Variants in RFX3 observed in about 807,000 individuals in gnomAD.
The protein encoded by RFX3 is transcription factor RFX3.
A neutral mutation model predicts 98.6 loss-of-function variants in RFX3; 14 were observed. The observed-to-expected ratio is 0.14, with a 90% CI of 0.09 to 0.22. The LOEUF is 0.22. Ranked by LOEUF, RFX3 falls within the 10% of genes least tolerant of loss-of-function variation. The probability of loss-of-function intolerance (pLI) is 1.00; values close to 1 mark genes in which losing one functional copy is unlikely to be tolerated. For missense variants in RFX3, 639 were observed against 926.9 expected (o/e 0.69, Z 4.03); for synonymous variants, 383 against 328.4 (o/e 1.17, Z -1.80).
Position 3,341,319 on chromosome 9 carries a change from G to A in RFX3, c.215+5348C>T, listed in dbSNP as rs1171528186. 5.3e-5 allele frequency among the ~76,000 whole-genome samples: 8 copies of A among 151,938 alleles called. No homozygotes were observed. The East Asian group carries it at 1.5e-3, about 29-fold the overall frequency. On this transcript the variant is annotated intron_variant, in intron 3 of 16. Transcript: ENST00000617270. The stretch of plus-strand genomic sequence containing the variant: ...ACCTAATGCTAAATGACGAGTTAAT[G>A]GGTGCAGCACACCAGCATGGCACAT...
At chr9:3,384,574 A>AC (rs1410360769) in intron 2 of RFX3, among the ~76,000 whole-genome samples, 1 of 152,206 alleles carries the variant, frequency 6.6e-6, no homozygotes, top group African/African-American at 2.4e-5. Flanking sequence ...AAGCATAGGG[A>AC]CACATAATAA....
chr9:3,453,710 C>CA (rs36111393), intron 1 of RFX3: 3,051 of 87,494 alleles, frequency 0.035, 116 homozygotes, highest in African/African-American at 0.099. Context: ...ACTCTTTTTT[C>CA]AAAAAAAAAA....
intron 13 of RFX3, among the ~76,000 whole-genome samples, chr9:3,261,385 G>T (rs1260139275): frequency 1.3e-5 from 2 of 152,020 alleles, no homozygotes; most frequent in Non-Finnish European, 2.9e-5. Context: ...CATACGAATG[G>T]AATCATGTCA....
chr9:3,249,308 C>CAGAT (rs1821083497), intron 14 of RFX3, among the ~76,000 whole-genome samples: 1 of 152,146 alleles, frequency 6.6e-6, no homozygotes, highest in South Asian at 2.1e-4. Context: ...TGGCAAGTGA[C>CAGAT]AGATCATCAT....
chr9:3,349,493 T>C (rs1251134477), intron 2 of RFX3, among the ~76,000 whole-genome samples: 3 of 152,110 alleles, frequency 2.0e-5, no homozygotes, highest in African/African-American at 7.2e-5. Flanking sequence ...AATATCTATG[T>C]GGTTCCAAAG....
chr9:3,436,511 A>G (rs1845138183), intron 1 of RFX3, among the ~76,000 whole-genome samples: 1 of 152,110 alleles, frequency 6.6e-6, no homozygotes, highest in African/African-American at 2.4e-5. Context: ...TATTTATGTC[A>G]AAACTAATAT....
intron 2 of RFX3, among the ~76,000 whole-genome samples, chr9:3,357,824 A>G (rs1445923030): frequency 2.6e-5 from 4 of 152,118 alleles, no homozygotes; most frequent in African/African-American, 9.6e-5. Flanking sequence ...TACATATTGC[A>G]TATGTGTATC....
intron 3 of RFX3, among the ~76,000 whole-genome samples, chr9:3,340,808 A>G (rs1833798130): frequency 6.6e-6 from 1 of 152,236 alleles, no homozygotes; most frequent in East Asian, 1.9e-4. Context: ...TGTTGGTGAG[A>G]CTGTAAACTA....
At chr9:3,379,647 T>C (rs796754107) in intron 2 of RFX3, among the ~76,000 whole-genome samples, 5 of 152,262 alleles carry the variant, frequency 3.3e-5, no homozygotes, top group African/African-American at 1.2e-4. Flanking sequence ...TTAAAAATTT[T>C]ATCTAAATAA....
chr9:3,510,572 T>C (rs916981217), intron 1 of RFX3, among the ~76,000 whole-genome samples: 1 of 152,164 alleles, frequency 6.6e-6, no homozygotes, highest in African/African-American at 2.4e-5. Context: ...TGTGCTTTCA[T>C]TGATACTAAA....
chr9:3,257,400 T>G (rs1822278574), intron 13 of RFX3, among the ~76,000 whole-genome samples: 1 of 152,208 alleles, frequency 6.6e-6, no homozygotes, highest in Non-Finnish European at 1.5e-5. Flanking sequence ...TATTTCTCGT[T>G]GCTCACTCTG....
rs1352254576 is a variant in RFX3 at position 3,462,758 on chromosome 9, T to C, written c.-9+62989A>G. On this transcript the variant is annotated intron_variant, in intron 1 of 16. Transcript: ENST00000617270. The stretch of plus-strand genomic sequence containing the variant: ...ATACTTCAATACTAGTCATATTGTA[T>C]TTAAATACTAGCATTGCTAATATTG... 2.0e-5 allele frequency among the ~76,000 whole-genome samples: 3 copies of C among 152,114 alleles called. No individual in the cohort carries two copies. The East Asian group carries it at 5.8e-4, about 29-fold the overall frequency.
rs1485607944 is a variant in RFX3, at chr9:3,247,396, TC to T, written c.1968+635del. The T allele has an allele frequency of 1.2e-5, 11 of 898,658 alleles. No homozygotes were observed. In the African/African-American group the frequency reaches 2.0e-4, roughly 16 times the overall value. The allele number at this position is 898,658 out of a possible 1,614,324, so 55.7% of individuals were successfully genotyped here. On this transcript the variant is annotated intron_variant, in intron 15 of 16. Coordinates refer to ENST00000617270, the MANE Select transcript of RFX3 (RefSeq NM_001282116.2). Reference sequence around the variant, plus strand: ...TCAGACTGTGTTTGAAAAAAAAATCTCTACCATTTTTTAGCTGAGTAATCAT... The same window carrying T: ...TCAGACTGTGTTTGAAAAAAAAATCTTACCATTTTTTAGCTGAGTAATCAT...
intron 2 of RFX3, among the ~76,000 whole-genome samples, chr9:3,362,343 T>A (rs908692057): frequency 6.6e-6 from 1 of 152,224 alleles, no homozygotes; most frequent in Non-Finnish European, 1.5e-5. Flanking sequence ...TCATTTTATG[T>A]AGAAAACAGA....
intron 4 of RFX3, among the ~76,000 whole-genome samples, chr9:3,316,066 CA>C (rs1365217179): frequency 6.6e-6 from 1 of 151,448 alleles, no homozygotes; most frequent in Non-Finnish European, 1.5e-5. Context: ...GGCAGGGACA[CA>C]ATAAAAAAAA....
chr9:3,259,980 T>G (rs1316658807), intron 13 of RFX3, among the ~76,000 whole-genome samples: 2 of 151,826 alleles, frequency 1.3e-5, no homozygotes, highest in Non-Finnish European at 2.9e-5. Flanking sequence ...GACTTCCAAA[T>G]GAACTGGAGA....
intron 1 of RFX3, among the ~76,000 whole-genome samples, chr9:3,462,302 G>C (rs1223367140): frequency 6.6e-6 from 1 of 151,996 alleles, no homozygotes; most frequent in African/African-American, 2.4e-5. Context: ...TATTTCACCA[G>C]ATTAACAGAC....
intron 1 of RFX3, among the ~76,000 whole-genome samples, chr9:3,400,506 G>C (rs1376573690): frequency 6.6e-6 from 1 of 152,142 alleles, no homozygotes; most frequent in Admixed American, 6.5e-5. Context: ...ACTGCTCATA[G>C]GTCTGATCTA....
chr9:3,444,663 C>T (rs1202528587), intron 1 of RFX3, among the ~76,000 whole-genome samples: 2 of 152,074 alleles, frequency 1.3e-5, no homozygotes, highest in African/African-American at 4.8e-5. Flanking sequence ...AAATGAGAAG[C>T]CTCAAAAAAG....
Sources: gnomAD v4.1 joint callset for allele counts (sites outside exome capture counted in the v4.1 genomes callset) on GRCh38, gnomAD v4.1.1 for gene constraint, MANE v1.5 for transcripts, NCBI Gene and HGNC (gene_info 2026-07-23, HGNC 2026-07-21) for gene names.